The following SLC49A3 variants were observed in gnomAD, a reference collection of about 807,000 sequenced individuals.
SLC49A3 encodes the protein solute carrier family 49 member A3.
A neutral mutation model predicts 43.8 loss-of-function variants in SLC49A3; 50 were observed. The observed-to-expected ratio is 1.14, with a 90% CI of 0.91 to 1.45. The LOEUF is 1.45. Ranked by LOEUF, SLC49A3 falls within the 40% of genes most tolerant of loss-of-function variation. SLC49A3 has a pLI of 0.00. For synonymous variants in SLC49A3, 413 were observed against 352.0 expected, an observed-to-expected ratio of 1.17 and a Z score of -1.94; for missense variants, 906 against 774.1, an observed-to-expected ratio of 1.17 and a Z score of -2.02.
chr4:688,885 C>G, intron 1 of SLC49A3, 108 bp downstream of exon 1: 1 of 1,425,816 alleles, frequency 7.0e-7, no homozygotes, highest in South Asian at 1.4e-5. Context: ...GCACCCCCCG[C>G]CCCCAGCCAG....
downstream of SLC49A3, chr4:680,039 C>A: frequency 6.4e-7 from 1 of 1,560,934 alleles, no homozygotes; most frequent in Non-Finnish European, 8.8e-7. Context: ...GTGGGGCAGG[C>A]CTGGCCCTCC....
intron 1 of SLC49A3, 67 bp downstream of exon 1, chr4:688,926 A>G: frequency 6.5e-7 from 1 of 1,531,976 alleles, no homozygotes; most frequent in Non-Finnish European, 8.7e-7. Flanking sequence ...GGCCACAGGA[A>G]AACAAAACCC....
At chr4:680,839 G>T (rs976600528), downstream of SLC49A3, 4 of 632,834 alleles carry the variant, frequency 6.3e-6, no homozygotes, top group African/African-American at 7.4e-5. Context: ...TTCAGCTCCT[G>T]CTAGGCGCCG....
chr4:678,993 C>T, downstream of SLC49A3: 2 of 1,613,828 alleles, frequency 1.2e-6, no homozygotes, highest in Non-Finnish European at 1.7e-6. Flanking sequence ...GAGATGGCTT[C>T]ATTGACAAGG....
upstream of SLC49A3, among the ~76,000 whole-genome samples, chr4:691,030 T>C (rs1396903395): frequency 6.6e-6 from 1 of 152,228 alleles, no homozygotes. Flanking sequence ...CTCACGCCTG[T>C]AATCCCAGCA....
downstream of SLC49A3, among the ~76,000 whole-genome samples, chr4:679,707 C>A (rs1051524999): frequency 1.3e-5 from 2 of 152,230 alleles, no homozygotes; most frequent in African/African-American, 4.8e-5. Context: ...TCTCCCTCAG[C>A]ACTTAGTCCT....
At chr4:688,445 G>A (rs1222574069) in intron 1 of SLC49A3, among the ~76,000 whole-genome samples, 2 of 152,292 alleles carry the variant, frequency 1.3e-5, no homozygotes, top group Non-Finnish European at 1.5e-5. Context: ...TTCATTGCAC[G>A]TTGGCCAGAT....
At chr4:679,805 C>A, downstream of SLC49A3, 2 of 861,222 alleles carry the variant, frequency 2.3e-6, no homozygotes, top group Non-Finnish European at 1.9e-6. Context: ...CCTTCCCGCT[C>A]CCTCCCCACC....
At chr4:680,716 T>C, downstream of SLC49A3, 1 of 949,084 alleles carries the variant, frequency 1.1e-6, no homozygotes, top group Non-Finnish European at 1.6e-6. Context: ...TTCAGGGCCA[T>C]GAGGAGCGAA....
At chr4:683,891 A>G (rs1208289473) in intron 6 of SLC49A3, 130 bp from the exon 7 acceptor site, 1 of 1,212,392 alleles carries the variant, frequency 8.2e-7, no homozygotes, top group Admixed American at 3.4e-5. Context: ...CACAGCTTCC[A>G]GACGCACCGC....
In SLC49A3 at chr4:683,612, G is replaced by A. The variant is rs1470100618; in HGVS notation, c.990C>T (p.Ala330=). The A allele has an allele frequency of 4.3e-6, 7 of 1,610,594 alleles. No individual in the cohort carries two copies. Among genetic ancestry groups the A allele is most frequent in the Middle Eastern group, 3.3e-4 (2 of 6,040 alleles). ...CLFSLACVPF[A]LVSQLQGQTL... The stretch of plus-strand genomic sequence containing the variant: ...CTTGGCTTGAGGAGACCCTCACCAG[G>A]GCAAAGGGCACGCAGGCCAGAGAGA... The change falls in exon 7 of 10, where the codon GCC becomes GCT. Residue 330 remains alanine, a synonymous_variant. Transcript: ENST00000322224.
chr4:683,372 G>A lies in SLC49A3; in HGVS notation c.994-5C>T. 2.5e-6 allele frequency: 4 copies of A among 1,606,740 alleles called. No individual in the cohort carries two copies. Among genetic ancestry groups the A allele is most frequent in the Non-Finnish European group, 3.4e-6 (4 of 1,176,176 alleles). ...CTGTCCCTGCAGCTGGGACACCTGG[G>A]AGCAGCGGAACGGCAGGCAGACAGG... On this transcript the variant is annotated splice_region_variant and splice_polypyrimidine_tract_variant and intron_variant, in intron 7 of 9. Coordinates refer to ENST00000322224, the MANE Select transcript of SLC49A3 (RefSeq NM_032219.4).
chr4:677,387 A>G (rs996596417), downstream of SLC49A3, among the ~76,000 whole-genome samples: 14 of 152,150 alleles, frequency 9.2e-5, no homozygotes, highest in African/African-American at 3.4e-4. Flanking sequence ...AGGGCCCTAG[A>G]GTCCCCCTCC....
At chr4:678,484 C>G (rs1739082733), downstream of SLC49A3, 1 of 1,438,176 alleles carries the variant, frequency 7.0e-7, no homozygotes, top group Non-Finnish European at 9.1e-7. Flanking sequence ...CCGTCCTGCC[C>G]CCAACCCCAG....
rs933844385 is a variant in SLC49A3 at position 685,543 on chromosome 4, C to CAA, written c.585+290_585+291dup. 7.1e-6 allele frequency among the ~76,000 whole-genome samples: 1 copy of CAA among 141,650 alleles called. No individual in the cohort carries two copies. The highest frequency in any genetic ancestry group is 7.1e-5 in the Admixed American group (1 of 14,136). The allele number at this position is 141,650 out of a possible 152,430, so 92.9% of individuals were successfully genotyped here. ...TGAAACCCCAACTCTACCAAAAATACAAAAAAAAAAAAATTAGCCAAGCAT... is the reference window on the plus strand; with the variant it reads ...TGAAACCCCAACTCTACCAAAAATACAAAAAAAAAAAAAAATTAGCCAAGCAT... On this transcript the variant is annotated intron_variant, in intron 4 of 9. Coordinates refer to ENST00000322224, the MANE Select transcript of SLC49A3 (RefSeq NM_032219.4). This position sits in a 1 kb window ranked among gnomAD's most constrained non-coding sequence, Gnocchi z 4.3.
downstream of SLC49A3, chr4:678,879 G>T (rs1739132848): frequency 1.2e-6 from 2 of 1,606,484 alleles, no homozygotes; most frequent in African/African-American, 2.7e-5. Context: ...TCAGTCAGGG[G>T]TGCTGAGGAA....
At chr4:679,575 G>A (rs1560154054), downstream of SLC49A3, among the ~76,000 whole-genome samples, 1 of 152,170 alleles carries the variant, frequency 6.6e-6, no homozygotes, top group Non-Finnish European at 1.5e-5. Flanking sequence ...CCTGGGAGCT[G>A]GGGAGTGATT....
At chr4:682,444 C>T (rs2109390049) in intron 9 of SLC49A3, 68 bp from the exon 10 acceptor site, 4 of 1,291,578 alleles carry the variant, frequency 3.1e-6, no homozygotes, top group Middle Eastern at 4.3e-4. Flanking sequence ...GAGCCCAATG[C>T]TGGCCTATGG....
At chr4:686,929 C>T (rs775029241) in intron 1 of SLC49A3, among the ~76,000 whole-genome samples, 1 of 152,260 alleles carries the variant, frequency 6.6e-6, no homozygotes, top group Non-Finnish European at 1.5e-5. Flanking sequence ...GGGGCAGACA[C>T]TGAGGCCAAG....
Sources: allele counts gnomAD v4.1 joint callset (sites outside exome capture counted in the v4.1 genomes callset), GRCh38; gene constraint gnomAD v4.1.1; non-coding constraint Gnocchi (gnomAD v3.1); transcripts MANE v1.5; gene names NCBI Gene and HGNC (gene_info 2026-07-23, HGNC 2026-07-21).